The following PRKG1 variants were observed in gnomAD, a reference collection of about 807,000 sequenced individuals.
The protein encoded by PRKG1 is protein kinase cGMP-dependent 1.
PRKG1 carries 35 observed loss-of-function variants against 88.1 expected under a neutral mutation model. The ratio of observed to expected loss-of-function variants is 0.40; its 90% CI spans 0.30 to 0.53. The LOEUF (loss-of-function observed/expected upper bound fraction) is 0.53, where lower values mean the gene tolerates loss of function less well. Among genes scored for constraint, PRKG1 ranks in the 20% least tolerant of loss-of-function variants. The probability of loss-of-function intolerance (pLI) is 0.59; values close to 1 mark genes in which losing one functional copy is unlikely to be tolerated. For synonymous variants in PRKG1, 303 were observed against 292.5 expected, an observed-to-expected ratio of 1.04 and a Z score of -0.37; for missense variants, 540 against 839.8, an observed-to-expected ratio of 0.64 and a Z score of 4.41.
intron 3 of PRKG1, among the ~76,000 whole-genome samples, chr10:51,595,856 A>G (rs1050834108): frequency 1.3e-5 from 2 of 151,826 alleles, no homozygotes; most frequent in Non-Finnish European, 2.9e-5. Flanking sequence ...GTTTTTTGGA[A>G]TGGAGCCTCA....
chr10:51,759,847 A>T (rs141143616), intron 3 of PRKG1, among the ~76,000 whole-genome samples: 1 of 152,088 alleles, frequency 6.6e-6, no homozygotes, highest in Non-Finnish European at 1.5e-5. Context: ...AGCTTTTGTC[A>T]CTGAATATAT....
chr10:51,283,357 T>C (rs2132206684), intron 2 of PRKG1, among the ~76,000 whole-genome samples: 1 of 152,310 alleles, frequency 6.6e-6, no homozygotes, highest in African/African-American at 2.4e-5. Context: ...TTCTCTTGTG[T>C]TACATTGCCT....
intron 2 of PRKG1, among the ~76,000 whole-genome samples, chr10:51,200,809 C>G (rs1368250996): frequency 6.6e-6 from 1 of 152,170 alleles, no homozygotes; most frequent in Admixed American, 6.5e-5. Context: ...CACAATGCCA[C>G]TGATGGGTTT....
intron 3 of PRKG1, among the ~76,000 whole-genome samples, chr10:51,512,350 C>A (rs1301145020): frequency 9.2e-6 from 1 of 108,186 alleles, no homozygotes; most frequent in East Asian, 3.2e-4. Context: ...CCCCCTCCCC[C>A]CACCCCACCA....
intron 1 of PRKG1, among the ~76,000 whole-genome samples, chr10:51,145,556 A>C (rs1845923967): frequency 6.6e-6 from 1 of 152,190 alleles, no homozygotes; most frequent in Non-Finnish European, 1.5e-5. Flanking sequence ...AGCTTACAGG[A>C]GAAGAGCTTG....
intron 5 of PRKG1, among the ~76,000 whole-genome samples, chr10:51,998,833 T>C (rs983450450): frequency 6.6e-6 from 1 of 152,194 alleles, no homozygotes; most frequent in Non-Finnish European, 1.5e-5. Context: ...TTATTCTCAT[T>C]TCCCTTCACT....
intron 9 of PRKG1, among the ~76,000 whole-genome samples, chr10:52,182,862 G>A (rs890461481): frequency 1.3e-5 from 2 of 152,112 alleles, no homozygotes; most frequent in East Asian, 3.9e-4. Context: ...TTGAAGTCAG[G>A]TAGTGTGATT....
intron 3 of PRKG1, among the ~76,000 whole-genome samples, chr10:51,472,836 C>A (rs1840084510): frequency 6.6e-6 from 1 of 151,902 alleles, no homozygotes; most frequent in South Asian, 2.1e-4. Context: ...GCTAATGAGA[C>A]AGTCTCTGTT....
intron 9 of PRKG1, among the ~76,000 whole-genome samples, chr10:52,166,835 A>ATG (rs1554812318): frequency 0.052 from 109 of 2,082 alleles, 3 homozygotes; most frequent in African/African-American, 0.11. Flanking sequence ...ATATGTATAT[A>ATG]TATGTATATA....
chr10:51,631,773 A>C (rs114703061), intron 3 of PRKG1, among the ~76,000 whole-genome samples: 2 of 152,136 alleles, frequency 1.3e-5, no homozygotes, highest in South Asian at 4.1e-4. Context: ...CAGGAGGTGG[A>C]GCTCGGGTGG....
At chr10:51,607,524 T>A (rs1032669078) in intron 3 of PRKG1, among the ~76,000 whole-genome samples, 1 of 152,196 alleles carries the variant, frequency 6.6e-6, no homozygotes, top group African/African-American at 2.4e-5. Flanking sequence ...AGCTCCAGCC[T>A]CCACAGACCA....
At chr10:52,040,685 T>C (rs1845733269) in intron 5 of PRKG1, among the ~76,000 whole-genome samples, 1 of 152,174 alleles carries the variant, frequency 6.6e-6, no homozygotes, top group African/African-American at 2.4e-5. Flanking sequence ...CACTTGCTAA[T>C]TGCTCTGGCT....
intron 5 of PRKG1, among the ~76,000 whole-genome samples, chr10:51,994,575 G>A (rs1904050): frequency 0.29 from 44,722 of 151,952 alleles, 7,917 homozygotes; most frequent in East Asian, 0.65. Flanking sequence ...TCAGGTGTGA[G>A]AGCATAAACT....
chr10:50,991,639 C>T lies in PRKG1; in HGVS notation c.261C>T (p.Ser87=). ...AGGCATTCCGGAAGTTCACCAAGTCCGAAAGGTAGGCGCGGAGGCCGTGGG... is the reference window on the plus strand; with the variant it reads ...AGGCATTCCGGAAGTTCACCAAGTCTGAAAGGTAGGCGCGGAGGCCGTGGG... The change falls in exon 1 of 18, where the codon TCC becomes TCT. Residue 87 remains serine (S), a synonymous_variant. Transcript: ENST00000401604. This position sits in a 1 kb window ranked among gnomAD's most constrained non-coding sequence, Gnocchi z 4.5. 1.3e-6 allele frequency: 2 copies of T among 1,525,640 alleles called. No individual in the cohort carries two copies. Among genetic ancestry groups the T allele is most frequent in the South Asian group, 1.2e-5 (1 of 82,192 alleles). The allele number at this position is 1,525,640 out of a possible 1,614,324, so 94.5% of individuals were successfully genotyped here.
intron 4 of PRKG1, among the ~76,000 whole-genome samples, chr10:51,856,202 C>T (rs1013851544): frequency 1.3e-5 from 2 of 152,142 alleles, no homozygotes; most frequent in African/African-American, 4.8e-5. Flanking sequence ...AGGATAATCC[C>T]CCTATCTCAA....
intron 3 of PRKG1, among the ~76,000 whole-genome samples, chr10:51,605,162 G>GTCTGCTCC (rs1312985571): frequency 1.3e-5 from 2 of 152,180 alleles, no homozygotes; most frequent in Non-Finnish European, 2.9e-5. Flanking sequence ...GTGTCCGCAG[G>GTCTGCTCC]TCTGCTCCTC....
chr10:51,059,276 G>A (rs879271300), intron 1 of PRKG1, among the ~76,000 whole-genome samples: 1 of 152,188 alleles, frequency 6.6e-6, no homozygotes, highest in Non-Finnish European at 1.5e-5. Context: ...GTACCATAAA[G>A]AAGTCTTTTA....
intron 1 of PRKG1, among the ~76,000 whole-genome samples, chr10:51,020,293 G>C (rs1265493561): frequency 6.6e-6 from 1 of 152,152 alleles, no homozygotes; most frequent in East Asian, 1.9e-4. Context: ...TTACAGGCGT[G>C]AGCCACTGAG....
intron 3 of PRKG1, among the ~76,000 whole-genome samples, chr10:51,674,458 C>T (rs1311642253): frequency 6.6e-6 from 1 of 151,906 alleles, no homozygotes; most frequent in Non-Finnish European, 1.5e-5. Context: ...TCAGTTATAC[C>T]TACTTCTTTT....
Sources: allele counts gnomAD v4.1 joint callset (sites outside exome capture counted in the v4.1 genomes callset), GRCh38; gene constraint gnomAD v4.1.1; non-coding constraint Gnocchi (gnomAD v3.1); transcripts MANE v1.5; gene names NCBI Gene and HGNC (gene_info 2026-07-23, HGNC 2026-07-21).